CHCHD6: variants seen among roughly 807,000 people sequenced by gnomAD.
CHCHD6 encodes the protein MICOS complex subunit MIC25.
Under a neutral mutation model 32.3 loss-of-function variants are expected in CHCHD6, and 28 were observed. The ratio of observed to expected loss-of-function variants is 0.87; its 90% CI spans 0.64 to 1.19. CHCHD6 has a LOEUF of 1.19. Among genes scored for constraint, CHCHD6 ranks in the 50% most tolerant of loss-of-function variants. The pLI is 0.00. For synonymous variants in CHCHD6, 122 were observed against 117.5 expected (o/e 1.04, Z -0.25); for missense variants, 333 against 307.0 (o/e 1.08, Z -0.63).
At chr3:126,946,615 A>G (rs1244036668) in intron 6 of CHCHD6, among the ~76,000 whole-genome samples, 2 of 151,916 alleles carry the variant, frequency 1.3e-5, no homozygotes, top group African/African-American at 4.8e-5. Context: ...GTGTTGATCG[A>G]TGGCAGGACC....
At position 126,817,571 on chromosome 3, in the gene CHCHD6, A is replaced by C. The variant is rs76830102; in HGVS notation, c.412-35076A>C. 4.1e-3 allele frequency among the ~76,000 whole-genome samples: 619 copies of C among 152,276 alleles called. 14 individuals are homozygous for C. The East Asian group carries it at 0.09, about 22-fold the overall frequency. ...AACCCCCGCTCCCCACCCCAGCACA[A>C]GTCTGTCCAGCAGGGCACAGTCCAT... On this transcript the variant is annotated intron_variant, in intron 4 of 7. Coordinates refer to ENST00000290913, the MANE Select transcript of CHCHD6 (RefSeq NM_032343.3).
intron 4 of CHCHD6, among the ~76,000 whole-genome samples, chr3:126,761,440 A>G (rs1171402830): frequency 6.6e-6 from 1 of 152,144 alleles, no homozygotes; most frequent in Non-Finnish European, 1.5e-5. Context: ...AACTAATTAC[A>G]TCTGTAAAGA....
intron 4 of CHCHD6, among the ~76,000 whole-genome samples, chr3:126,842,359 T>C (rs1941127125): frequency 6.6e-6 from 1 of 152,186 alleles, no homozygotes. Flanking sequence ...AAATACTGGG[T>C]GATTCAAATG....
intron 4 of CHCHD6, among the ~76,000 whole-genome samples, chr3:126,742,370 A>G (rs1446549629): frequency 6.6e-6 from 1 of 152,214 alleles, no homozygotes; most frequent in African/African-American, 2.4e-5. Flanking sequence ...GGTGGGCCCA[A>G]TAGACCTGTG....
chr3:126,842,057 C>T (rs1401464642), intron 4 of CHCHD6, among the ~76,000 whole-genome samples: 4 of 151,952 alleles, frequency 2.6e-5, no homozygotes, highest in African/African-American at 7.3e-5. Flanking sequence ...AAGACCAGCC[C>T]GGGCAACAAA....
In CHCHD6 at chr3:126,773,483, A is replaced by G. The variant is rs563293210; in HGVS notation, c.411+40261A>G. Among the ~76,000 whole-genome samples the G allele has an allele frequency of 9.8e-5, 15 of 152,302 alleles. No homozygotes were observed. The South Asian group carries it at 3.1e-3, about 32-fold the overall frequency. On this transcript the variant is annotated intron_variant, in intron 4 of 7. Coordinates refer to ENST00000290913, the MANE Select transcript of CHCHD6 (RefSeq NM_032343.3). The stretch of plus-strand genomic sequence containing the variant: ...GGGCAAAGGCAAGTAAAAACACCAG[A>G]AAGTTTTCCTACTGTTCTCAAGTGG...
At chr3:126,935,084 C>T (rs2078459744) in intron 6 of CHCHD6, 1 of 976,988 alleles carries the variant, frequency 1.0e-6, no homozygotes, top group African/African-American at 1.8e-5. Context: ...TCTATCTTGC[C>T]ATTCGTTCCA....
At chr3:126,749,667 A>G (rs1936647256) in intron 4 of CHCHD6, among the ~76,000 whole-genome samples, 1 of 152,200 alleles carries the variant, frequency 6.6e-6, no homozygotes, top group Non-Finnish European at 1.5e-5. Context: ...CCTTGGGTGC[A>G]AACTGTTTGC....
chr3:126,840,177 A>G (rs1941015033), intron 4 of CHCHD6, among the ~76,000 whole-genome samples: 1 of 152,180 alleles, frequency 6.6e-6, no homozygotes, highest in African/African-American at 2.4e-5. Context: ...TCCATTATAT[A>G]GATATACCAC....
intron 4 of CHCHD6, among the ~76,000 whole-genome samples, chr3:126,749,315 A>T (rs1936631146): frequency 6.6e-6 from 1 of 152,194 alleles, no homozygotes; most frequent in Non-Finnish European, 1.5e-5. Flanking sequence ...GATCATGGTG[A>T]CCCAGACAAA....
At chr3:126,803,185 T>A (rs1350958800) in intron 4 of CHCHD6, among the ~76,000 whole-genome samples, 2 of 151,758 alleles carry the variant, frequency 1.3e-5, no homozygotes, top group Non-Finnish European at 2.9e-5. Context: ...GCTAACATCA[T>A]AATGACAGGA....
intron 4 of CHCHD6, chr3:126,766,554 A>T (rs1937377415): frequency 3.6e-6 from 4 of 1,103,806 alleles, no homozygotes; most frequent in Non-Finnish European, 5.5e-6. Context: ...AGAAAATGCC[A>T]TCCAGAGTCT....
At chr3:126,825,452 A>G (rs1377398226) in intron 4 of CHCHD6, among the ~76,000 whole-genome samples, 1 of 151,816 alleles carries the variant, frequency 6.6e-6, no homozygotes, top group African/African-American at 2.4e-5. Flanking sequence ...TGTCATTCAG[A>G]TTTTCTCTTT....
chr3:126,930,387 G>A (rs1391037371), intron 6 of CHCHD6, among the ~76,000 whole-genome samples: 2 of 152,228 alleles, frequency 1.3e-5, no homozygotes, highest in South Asian at 4.1e-4. Context: ...ACCCGCAGTA[G>A]CTTGGTGGTC....
At chr3:126,747,899 C>T (rs1482774005) in intron 4 of CHCHD6, among the ~76,000 whole-genome samples, 3 of 152,180 alleles carry the variant, frequency 2.0e-5, no homozygotes, top group Non-Finnish European at 2.9e-5. Flanking sequence ...TCATGCAGTT[C>T]GTGCTCTCTG....
chr3:126,868,349 G>C (rs1382780382), intron 5 of CHCHD6, among the ~76,000 whole-genome samples: 2 of 152,100 alleles, frequency 1.3e-5, no homozygotes, highest in Non-Finnish European at 2.9e-5. Flanking sequence ...AGGGGAGCCA[G>C]GCCCTCTCAA....
chr3:126,722,444 C>A (rs77900997), intron 1 of CHCHD6, among the ~76,000 whole-genome samples: 1,801 of 152,218 alleles, frequency 0.012, 18 homozygotes, highest in Middle Eastern at 0.048. Context: ...ATTACAGATG[C>A]GAGCCACTAT....
chr3:126,901,799 G>A (rs1478541378), intron 5 of CHCHD6, among the ~76,000 whole-genome samples: 1 of 152,198 alleles, frequency 6.6e-6, no homozygotes, highest in Non-Finnish European at 1.5e-5. Flanking sequence ...GATAACTAGA[G>A]GGTCACGGTT....
intron 4 of CHCHD6, among the ~76,000 whole-genome samples, chr3:126,831,822 G>T (rs1379398914): frequency 6.6e-6 from 1 of 152,210 alleles, no homozygotes; most frequent in Non-Finnish European, 1.5e-5. Context: ...GAGTGTGTTT[G>T]GTTTAATGTC....
Sources: allele counts gnomAD v4.1 joint callset (sites outside exome capture counted in the v4.1 genomes callset), GRCh38; gene constraint gnomAD v4.1.1; transcripts MANE v1.5; gene names NCBI Gene and HGNC (gene_info 2026-07-23, HGNC 2026-07-21).